Variants in ANKRD12 observed in about 807,000 individuals in gnomAD.
ANKRD12 encodes ankyrin repeat domain-containing protein 12.
In ANKRD12, 85 loss-of-function variants were observed where a neutral mutation model predicts 183.4. The ratio of observed to expected loss-of-function variants is 0.46; its 90% CI spans 0.39 to 0.56. The LOEUF (loss-of-function observed/expected upper bound fraction) is 0.56, where lower values mean the gene tolerates loss of function less well. Ranked by LOEUF, ANKRD12 falls within the 20% of genes least tolerant of loss-of-function variation. The pLI, the probability that ANKRD12 is intolerant of heterozygous loss-of-function variation, is 0.00. For missense variants in ANKRD12, 2,405 were observed against 2,357.1 expected, an observed-to-expected ratio of 1.02 and a Z score of -0.42; for synonymous variants, 914 against 800.2, an observed-to-expected ratio of 1.14 and a Z score of -2.40.
At chr18:9,150,112 T>C (rs922369356) in intron 1 of ANKRD12, among the ~76,000 whole-genome samples, 21 of 152,214 alleles carry the variant, frequency 1.4e-4, no homozygotes, top group African/African-American at 5.1e-4. Flanking sequence ...ATTTATTTTG[T>C]ATAGTCTTCT....
intron 5 of ANKRD12, among the ~76,000 whole-genome samples, chr18:9,209,312 C>T (rs1435399796): frequency 6.6e-6 from 1 of 152,190 alleles, no homozygotes; most frequent in East Asian, 1.9e-4. Flanking sequence ...TTACTATTCA[C>T]ATCCTGGCAG....
chr18:9,259,539 C>A (rs995301777), intron 9 of ANKRD12: 1 of 152,092 alleles, frequency 6.6e-6, no homozygotes, highest in Non-Finnish European at 1.5e-5. Flanking sequence ...TGATGTAATT[C>A]AAGTTTGACT....
intron 3 of ANKRD12, among the ~76,000 whole-genome samples, chr18:9,197,319 G>A (rs1055676196): frequency 6.6e-6 from 1 of 152,064 alleles, no homozygotes; most frequent in African/African-American, 2.4e-5. Flanking sequence ...TTGGGATATC[G>A]CAGCTCTCTA....
chr18:9,193,135 ATTTTTT>A (rs397751904), intron 2 of ANKRD12, among the ~76,000 whole-genome samples: 1 of 128,468 alleles, frequency 7.8e-6, no homozygotes, highest in East Asian at 2.2e-4. Context: ...TGAGTACAGC[ATTTTTT>A]TTTTTTTTTT....
In ANKRD12 at chr18:9,233,071, C is replaced by T. The variant is rs576948125; in HGVS notation, c.943+11072C>T. Among the ~76,000 whole-genome samples the T allele has an allele frequency of 1.2e-4, 18 of 152,084 alleles. No homozygotes were observed. The South Asian group carries it at 2.5e-3, about 21-fold the overall frequency. On this transcript the variant is annotated intron_variant, in intron 8 of 12. Transcript: ENST00000262126. ...TTCACCATGTTGGCCAGGCTGCTCTCGAACTTCTGGCCTCAAGTGATCCAC... is the reference window on the plus strand; with the variant it reads ...TTCACCATGTTGGCCAGGCTGCTCTTGAACTTCTGGCCTCAAGTGATCCAC...
intron 3 of ANKRD12, among the ~76,000 whole-genome samples, chr18:9,197,950 C>T (rs1409632771): frequency 6.6e-6 from 1 of 152,120 alleles, no homozygotes; most frequent in Non-Finnish European, 1.5e-5. Flanking sequence ...TTTAACATAT[C>T]ACAACACAGT....
Position 9,255,675 on chromosome 18 carries a change from A to G in ANKRD12, c.2408A>G (p.Glu803Gly). 6.3e-7 allele frequency: 1 copy of G among 1,590,598 alleles called. No homozygotes were observed. Among genetic ancestry groups the G allele is most frequent in the Non-Finnish European group, 8.5e-7 (1 of 1,173,878 alleles). The change falls in exon 9 of 13, where the codon GAA becomes GGA. Residue 803 changes from glutamate (E) to glycine (G), a missense_variant. Glu to Gly is a moderately conservative substitution (Grantham distance 98). Coordinates refer to ENST00000262126, the MANE Select transcript of ANKRD12 (RefSeq NM_015208.5). ...IEESIGLHLV[E>G]KEIDIEKQEK... ...GAATCTATAGGGCTTCATTTAGTGGAAAAGGAAATAGACATTGAAAAACAA... is the reference window on the plus strand; with the variant it reads ...GAATCTATAGGGCTTCATTTAGTGGGAAAGGAAATAGACATTGAAAAACAA...
At chr18:9,223,858 G>T (rs985778392) in intron 8 of ANKRD12, among the ~76,000 whole-genome samples, 1 of 152,192 alleles carries the variant, frequency 6.6e-6, no homozygotes, top group Non-Finnish European at 1.5e-5. Context: ...GTACTTACGT[G>T]ACGAGACCAG....
chr18:9,221,481 A>G (rs756037524), intron 7 of ANKRD12, among the ~76,000 whole-genome samples: 6 of 152,238 alleles, frequency 3.9e-5, no homozygotes, highest in Non-Finnish European at 8.8e-5. Flanking sequence ...ACACATTTCA[A>G]GAGGCCAGGG....
chr18:9,155,251 T>G (rs1185577773), intron 1 of ANKRD12, among the ~76,000 whole-genome samples: 1 of 152,220 alleles, frequency 6.6e-6, no homozygotes, highest in African/African-American at 2.4e-5. Context: ...AAAAATAATT[T>G]AATTGTACAT....
At chr18:9,153,788 T>G (rs1423742196) in intron 1 of ANKRD12, among the ~76,000 whole-genome samples, 3 of 152,096 alleles carry the variant, frequency 2.0e-5, no homozygotes, top group Non-Finnish European at 4.4e-5. Flanking sequence ...TAATATTTTG[T>G]TTTTTTCTAA....
intron 12 of ANKRD12, 85 bp downstream of exon 12, chr18:9,279,729 T>G: frequency 1.3e-6 from 1 of 752,492 alleles, no homozygotes. Context: ...TAGGGAGAAA[T>G]AATTAGGAGG....
intron 1 of ANKRD12, among the ~76,000 whole-genome samples, chr18:9,148,333 C>CGTAT (rs1555704102): frequency 1.1e-4 from 16 of 152,002 alleles, no homozygotes; most frequent in Admixed American, 2.6e-4. Context: ...TACACACACA[C>CGTAT]GTATGTATGT....
intron 5 of ANKRD12, among the ~76,000 whole-genome samples, chr18:9,209,703 CTG>C (rs2035679344): frequency 6.6e-6 from 1 of 152,192 alleles, no homozygotes; most frequent in Non-Finnish European, 1.5e-5. Context: ...ATGGGAAAGT[CTG>C]TGACCAAATT....
intron 8 of ANKRD12, chr18:9,235,780 CAGA>C (rs1224626084): frequency 1.9e-5 from 8 of 419,574 alleles, no homozygotes; most frequent in South Asian, 5.0e-5. Context: ...GGAAAAGAAA[CAGA>C]AGAAGACCAT....
At chr18:9,269,800 C>T (rs1416764134) in intron 10 of ANKRD12, among the ~76,000 whole-genome samples, 2 of 152,118 alleles carry the variant, frequency 1.3e-5, no homozygotes, top group South Asian at 2.1e-4. Context: ...AGCTTCTGCA[C>T]AGCAAAAGAA....
intron 8 of ANKRD12, among the ~76,000 whole-genome samples, chr18:9,247,313 CAAA>C (rs1401593209): frequency 2.5e-5 from 3 of 118,512 alleles, no homozygotes; most frequent in Non-Finnish European, 1.8e-5. Context: ...TCATCTCTAC[CAAA>C]AAAAAAAAAA....
intron 3 of ANKRD12, among the ~76,000 whole-genome samples, chr18:9,196,685 C>G (rs1214963316): frequency 6.6e-6 from 1 of 152,118 alleles, no homozygotes; most frequent in Non-Finnish European, 1.5e-5. Flanking sequence ...GCCAGGTCTC[C>G]TTTTGTGTAT....
chr18:9,210,848 T>G (rs1459948210), intron 5 of ANKRD12, among the ~76,000 whole-genome samples: 1 of 151,962 alleles, frequency 6.6e-6, no homozygotes. Context: ...TTTCCATATA[T>G]TTCTTTTCTC....
Sources: allele counts gnomAD v4.1 joint callset (sites outside exome capture counted in the v4.1 genomes callset), GRCh38; gene constraint gnomAD v4.1.1; transcripts MANE v1.5; gene names NCBI Gene and HGNC (gene_info 2026-07-23, HGNC 2026-07-21).